ATP6AP2: variants seen among roughly 807,000 people sequenced by gnomAD.
ATP6AP2 encodes renin receptor.
In ATP6AP2, 1 loss-of-function variant was observed where a neutral mutation model predicts 23.4. The observed-to-expected ratio is 0.04, with a 90% CI of 0.02 to 0.20. The LOEUF (loss-of-function observed/expected upper bound fraction) is 0.20, where lower values mean the gene tolerates loss of function less well. Among genes scored for constraint, ATP6AP2 ranks in the 10% least tolerant of loss-of-function variants. The probability of loss-of-function intolerance (pLI) is 1.00; values close to 1 mark genes in which losing one functional copy is unlikely to be tolerated. For synonymous variants in ATP6AP2, 90 were observed against 97.1 expected (o/e 0.93, Z 0.43); for missense variants, 174 against 271.3 (o/e 0.64, Z 2.52).
intron 1 of ATP6AP2, among the ~76,000 whole-genome samples, chrX:40,586,795 A>G (rs1926484404): frequency 9.0e-6 from 1 of 111,637 alleles, no homozygotes. Context: ...TCTGTATAGG[A>G]GTCCCTGACT....
chrX:40,593,062 A>G (rs1400285141), intron 3 of ATP6AP2, among the ~76,000 whole-genome samples: 1 of 112,040 alleles, frequency 8.9e-6, no homozygotes, highest in Non-Finnish European at 1.9e-5. Context: ...AGCCTGGCCA[A>G]CATGGCTAAA....
intron 8 of ATP6AP2, among the ~76,000 whole-genome samples, chrX:40,601,328 G>A (rs934603873): frequency 9.0e-6 from 1 of 111,096 alleles, no homozygotes; most frequent in Admixed American, 9.5e-5. Flanking sequence ...GAATGTGTGC[G>A]GGAGTGGTGT....
Position 40,600,714 on chromosome X carries a change from A to G in ATP6AP2, c.739-48A>G, listed in dbSNP as rs751286464. The stretch of plus-strand genomic sequence containing the variant: ...TTTTAATTTGTTAATTAAAAATGAA[A>G]AAAGTACATAGTTGAGATTCCCAAT... On this transcript the variant is annotated intron_variant, in intron 7 of 8. Coordinates refer to ENST00000636580, the MANE Select transcript of ATP6AP2 (RefSeq NM_005765.3). The G allele has an allele frequency of 1.2e-5, 14 of 1,147,695 alleles. No homozygotes were observed. In the African/African-American group the frequency reaches 2.4e-4, roughly 19 times the overall value. The allele number at this position is 1,147,695 out of a possible 1,213,427, so 94.6% of individuals were successfully genotyped here.
At chrX:40,601,393 G>T (rs1022651244) in intron 8 of ATP6AP2, among the ~76,000 whole-genome samples, 7 of 111,635 alleles carry the variant, frequency 6.3e-5, no homozygotes, top group Non-Finnish European at 1.3e-4. Context: ...TCTTTGTGGC[G>T]TAGTCCCTCA....
intron 1 of ATP6AP2, among the ~76,000 whole-genome samples, chrX:40,583,998 C>T (rs754693743): frequency 2.1e-4 from 23 of 111,945 alleles, no homozygotes; most frequent in Non-Finnish European, 3.8e-4. Flanking sequence ...AAGAATGGAG[C>T]CCTCAGATCT....
intron 2 of ATP6AP2, chrX:40,590,294 A>G (rs940934090): frequency 3.6e-5 from 4 of 112,101 alleles, no homozygotes; most frequent in African/African-American, 9.7e-5. Context: ...GCCTCAAGCA[A>G]TCCTTTCTGC....
Position 40,589,057 on chromosome X carries a change from A to G in ATP6AP2, c.109A>G (p.Ile37Val), listed in dbSNP as rs1926553978. ...SVVFRNGNWPIPGERIPDVAA... is the reference protein window; with the variant it reads ...SVVFRNGNWPVPGERIPDVAA... The stretch of plus-strand genomic sequence containing the variant: ...TGTTTTCCGAAATGGAAATTGGCCT[A>G]TACCAGGAGAGCGGATCCCAGACGT... Residue 37 changes from isoleucine (I) to valine (V), a missense_variant, in exon 2 of 9, where the codon ATA (isoleucine) becomes GTA (valine). Transcript: ENST00000636580. 1.7e-6 allele frequency: 2 copies of G among 1,209,663 alleles called. No individual in the cohort carries two copies. The highest frequency in any genetic ancestry group is 2.2e-6 in the Non-Finnish European group (2 of 894,092).
chrX:40,597,937 A>C, intron 5 of ATP6AP2: 1 of 300,558 alleles, frequency 3.3e-6, no homozygotes. Flanking sequence ...CTTTAGTGTA[A>C]TTTTCTTATG....
chrX:40,597,481 A>C (rs1444452913), intron 4 of ATP6AP2, 46 bp from the exon 5 acceptor site: 1 of 1,178,047 alleles, frequency 8.5e-7, no homozygotes, highest in Admixed American at 2.2e-5. Context: ...TATTGGAACT[A>C]ATCTGTAGAA....
In ATP6AP2 at chrX:40,585,682, T is replaced by C. The variant is rs187281979; in HGVS notation, c.38-3304T>C. 9.8e-3 allele frequency among the ~76,000 whole-genome samples: 1,069 copies of C among 109,479 alleles called. 12 individuals carry two copies. The highest frequency in any genetic ancestry group is 0.034 in the African/African-American group (1,015 of 29,998). ...CAGTCTGGCCAACGTAGTGAAACCC[T>C]GTCTCTACCAAAAAAATACACAAGT... On this transcript the variant is annotated intron_variant, in intron 1 of 8. Coordinates refer to ENST00000636580, the MANE Select transcript of ATP6AP2 (RefSeq NM_005765.3).
chrX:40,601,922 A>G (rs1255251772), intron 8 of ATP6AP2, among the ~76,000 whole-genome samples: 2 of 112,425 alleles, frequency 1.8e-5, no homozygotes, highest in African/African-American at 3.2e-5. Context: ...AGTCTAGACA[A>G]CCACCCAAGA....
In ATP6AP2 at chrX:40,605,482, A is replaced by G. The variant is rs747772525; in HGVS notation, c.859-79A>G. 2.1e-5 allele frequency: 18 copies of G among 865,161 alleles called. No individual in the cohort carries two copies. The South Asian group carries it at 3.7e-4, about 18-fold the overall frequency. The allele number at this position is 865,161 out of a possible 1,213,427, so 71.3% of individuals were successfully genotyped here. A position where few individuals can be genotyped will look rare whatever the true frequency, so the allele number is the denominator to read the frequency against. On this transcript the variant is annotated intron_variant, in intron 8 of 8. Coordinates refer to ENST00000636580, the MANE Select transcript of ATP6AP2 (RefSeq NM_005765.3). ...TGAAGAAATGTTTGTTAGACAAATG[A>G]ATCACAGTCACTAGACTGGGATAAT...
chrX:40,585,895 T>G (rs192676850), intron 1 of ATP6AP2, among the ~76,000 whole-genome samples: 1 of 111,827 alleles, frequency 8.9e-6, no homozygotes, highest in Admixed American at 9.5e-5. Flanking sequence ...TTTTGTGGGT[T>G]AAGTAGTAAA....
chrX:40,582,834 A>G (rs889474786), intron 1 of ATP6AP2, among the ~76,000 whole-genome samples: 1 of 112,002 alleles, frequency 8.9e-6, no homozygotes, highest in African/African-American at 3.2e-5. Flanking sequence ...TGGGTCTGAG[A>G]TAAAATAATT....
At chrX:40,591,003 T>C (rs963778386) in intron 2 of ATP6AP2, 1 of 373,644 alleles carries the variant, frequency 2.7e-6, no homozygotes, top group African/African-American at 2.6e-5. Context: ...GATGACTTAC[T>C]ATTGGACTTT....
At chrX:40,593,407 A>T (rs760588934) in intron 3 of ATP6AP2, among the ~76,000 whole-genome samples, 2 of 111,867 alleles carry the variant, frequency 1.8e-5, no homozygotes, top group African/African-American at 6.5e-5. Flanking sequence ...TTCACTTAAC[A>T]TAATGTCCTC....
At chrX:40,590,408 C>T in intron 2 of ATP6AP2, 1 of 110,445 alleles carries the variant, frequency 9.1e-6, no homozygotes, top group South Asian at 3.8e-4. Flanking sequence ...CTACAGGGTC[C>T]CGCTCTATCA....
In ATP6AP2 at chrX:40,606,760, T is replaced by G. The variant is rs1233557976; in HGVS notation, c.*1005T>G. The G allele has an allele frequency of 8.9e-6, 1 of 112,628 alleles. No individual in the cohort carries two copies. Among genetic ancestry groups the G allele is most frequent in the African/African-American group, 3.2e-5 (1 of 30,947 alleles). 9.3% of individuals were successfully genotyped at this position (112,628 alleles called of 1,213,427 possible). On this transcript the variant is annotated 3_prime_UTR_variant, in exon 9 of 9. Transcript: ENST00000636580. ...TTTCATGGTGTTTCTTTTACACTTG[T>G]TTATTCTCGCTGCCTCCTGAGATTT...
rs774314721 is a variant in ATP6AP2 at position 40,591,293 on chromosome X, C to T, written c.228C>T (p.Val76=). 8.3e-7 allele frequency: 1 copy of T among 1,210,977 alleles called. No homozygotes were observed. The highest frequency in any genetic ancestry group is 3.0e-5 in the East Asian group (1 of 33,868). Residue 76 remains valine, a synonymous_variant, in exon 3 of 9, where the codon GTC becomes GTT. Coordinates refer to ENST00000636580, the MANE Select transcript of ATP6AP2 (RefSeq NM_005765.3). ...GNLFHRPRAT[V]MVMVKGVNKL... ...TGTTTCATCGTCCTCGGGCTACCGT[C>T]ATGGTGATGGTGAAGGGAGTGAACA...
Sources: gnomAD v4.1 joint callset for allele counts (sites outside exome capture counted in the v4.1 genomes callset) on GRCh38, gnomAD v4.1.1 for gene constraint, MANE v1.5 for transcripts, NCBI Gene and HGNC (gene_info 2026-07-23, HGNC 2026-07-21) for gene names.